ANKRD18B: variants seen among roughly 807,000 people sequenced by gnomAD.
ANKRD18B encodes ankyrin repeat domain-containing protein 18B.
ANKRD18B carries 75 observed loss-of-function variants against 111.8 expected under a neutral mutation model. That is an observed-to-expected ratio of 0.67 (90% CI 0.56 to 0.81). The LOEUF is 0.81. Among genes scored for constraint, ANKRD18B ranks in the 40% least tolerant of loss-of-function variants. The pLI is 0.00. For synonymous variants in ANKRD18B, 356 were observed against 417.3 expected, an observed-to-expected ratio of 0.85 and a Z score of 1.79; for missense variants, 1,038 against 1,225.5, an observed-to-expected ratio of 0.85 and a Z score of 2.28.
downstream of ANKRD18B, among the ~76,000 whole-genome samples, chr9:33,574,807 G>A (rs936855060): frequency 3.3e-5 from 5 of 152,222 alleles, no homozygotes; most frequent in South Asian, 2.1e-4. Flanking sequence ...TCAGGGGATA[G>A]AGGACACTGA....
At chr9:33,568,594 G>T (rs7046617) in intron 16 of ANKRD18B, 77 bp from the exon 17 acceptor site, 204,649 of 1,351,084 alleles carry the variant, frequency 0.15, 15,871 homozygotes, top group South Asian at 0.2. Flanking sequence ...CAGGGCAACT[G>T]TTTAAAAAAT....
chr9:33,531,327 C>T (rs186475533), intron 3 of ANKRD18B, among the ~76,000 whole-genome samples: 2,057 of 152,160 alleles, frequency 0.014, 20 homozygotes, highest in Non-Finnish European at 0.023. Context: ...AGAAAAAGTT[C>T]CACATGCAAA....
intron 12 of ANKRD18B, among the ~76,000 whole-genome samples, chr9:33,554,696 G>C (rs2118086702): frequency 6.6e-6 from 1 of 152,252 alleles, no homozygotes; most frequent in Middle Eastern, 3.4e-3. Flanking sequence ...GGACCAGAGA[G>C]AGACCTTGGG....
At chr9:33,524,814 T>G in intron 1 of ANKRD18B, 119 bp downstream of exon 1, 1 of 1,212,452 alleles carries the variant, frequency 8.2e-7, no homozygotes, top group Non-Finnish European at 1.1e-6. Flanking sequence ...AAATGGAGCC[T>G]CAGCTGCTTT....
At chr9:33,566,525 T>G (rs1828687764) in intron 15 of ANKRD18B, 25 bp downstream of exon 15, 1 of 1,596,078 alleles carries the variant, frequency 6.3e-7, no homozygotes, top group Non-Finnish European at 8.5e-7. Flanking sequence ...TCAGGTAAGT[T>G]TATCTGTAAT....
chr9:33,535,573 C>T (rs1041772095), intron 5 of ANKRD18B, among the ~76,000 whole-genome samples: 7 of 151,064 alleles, frequency 4.6e-5, no homozygotes, highest in African/African-American at 1.5e-4. Flanking sequence ...AGGCATGAGC[C>T]ACCACACCCG....
At chr9:33,553,427 A>G (rs1042205629) in intron 12 of ANKRD18B, among the ~76,000 whole-genome samples, 23 of 152,204 alleles carry the variant, frequency 1.5e-4, no homozygotes, top group African/African-American at 5.5e-4. Context: ...GCATAGGATT[A>G]TTAGCCACTT....
intron 1 of ANKRD18B, among the ~76,000 whole-genome samples, chr9:33,526,926 T>C (rs1237503518): frequency 6.6e-6 from 1 of 152,206 alleles, no homozygotes; most frequent in Non-Finnish European, 1.5e-5. Context: ...CCAACTGTAT[T>C]CTATCAATCC....
chr9:33,535,360 A>T (rs1231749548), intron 5 of ANKRD18B, among the ~76,000 whole-genome samples: 1 of 151,872 alleles, frequency 6.6e-6, no homozygotes, highest in Non-Finnish European at 1.5e-5. Context: ...ATCTCGGCTC[A>T]CTGCAAGCTC....
chr9:33,547,961 G>A lies in ANKRD18B; in HGVS notation c.1173G>A (p.Lys391=). Residue 391 remains lysine (K), a synonymous_variant, in exon 11 of 19, where the codon AAG becomes AAA. Transcript: ENST00000684830. ...QPQDSQSYGK[K]KDEMFGNFML... ...AGGATTCTCAAAGTTATGGAAAAAA[G>A]AAGGATGAGATGTTTGGAAATTTTA... 7.0e-7 allele frequency: 1 copy of A among 1,432,710 alleles called. No individual in the cohort carries two copies. The highest frequency in any genetic ancestry group is 2.6e-5 in the East Asian group (1 of 38,866). The allele number at this position is 1,432,710 out of a possible 1,614,324, so 88.7% of individuals were successfully genotyped here.
chr9:33,553,288 A>T (rs1393905583), intron 12 of ANKRD18B, among the ~76,000 whole-genome samples: 1 of 151,782 alleles, frequency 6.6e-6, no homozygotes, highest in Non-Finnish European at 1.5e-5. Context: ...GGGTCGCTTG[A>T]GCTCAGAATA....
intron 17 of ANKRD18B, 22 bp from the exon 18 acceptor site, chr9:33,571,223 AT>A (rs3033567): frequency 0.69 from 553,954 of 803,460 alleles, 186,953 homozygotes; most frequent in Admixed American, 0.72. Flanking sequence ...CATTATTATT[AT>A]TTTTTTTTTT....
chr9:33,541,422 G>C (rs1297051857), intron 9 of ANKRD18B, among the ~76,000 whole-genome samples, 195 bp downstream of exon 9: 1 of 152,188 alleles, frequency 6.6e-6, no homozygotes, highest in East Asian at 1.9e-4. Context: ...TATTGGTGTT[G>C]CTGGGAACGG....
intron 16 of ANKRD18B, among the ~76,000 whole-genome samples, chr9:33,567,987 G>A (rs1365363914): frequency 6.6e-6 from 1 of 152,180 alleles, no homozygotes; most frequent in Non-Finnish European, 1.5e-5. Flanking sequence ...CAGTGCCTTG[G>A]TCACAGTGTT....
Position 33,548,524 on chromosome 9 carries a change from A to G in ANKRD18B, c.1736A>G (p.Gln579Arg), listed in dbSNP as rs981265470. The change falls in exon 11 of 19, where the codon CAG (glutamine) becomes CGG (arginine). Residue 579 changes from glutamine to arginine, a missense_variant. Around this residue, in one of 4 missense-constraint regions of ANKRD18B, gnomAD observed 524 missense variants for 677.9 expected, o/e 0.77. Transcript: ENST00000684830. ...AAGACATTGGCTTTAGAAAGTGTAC[A>G]GCTGGACCTAAAGCAAGCGCAGCAT... is the stretch of plus-strand genomic sequence containing the variant. Reference protein sequence around the residue: ...REKTLALESVQLDLKQAQHRI... With the variant: ...REKTLALESVRLDLKQAQHRI... The G allele has an allele frequency of 6.4e-7, 1 of 1,551,054 alleles. No individual in the cohort carries two copies. Among genetic ancestry groups the G allele is most frequent in the Non-Finnish European group, 8.7e-7 (1 of 1,146,646 alleles).
At chr9:33,545,526 T>C (rs3954924) in intron 10 of ANKRD18B, among the ~76,000 whole-genome samples, 1 of 152,214 alleles carries the variant, frequency 6.6e-6, no homozygotes, top group African/African-American at 2.4e-5. Flanking sequence ...CCACAAGCCA[T>C]ATGGAACTTA....
At chr9:33,540,995 C>T (rs1248561413) in intron 8 of ANKRD18B, among the ~76,000 whole-genome samples, 152 bp from the exon 9 acceptor site, 1 of 151,968 alleles carries the variant, frequency 6.6e-6, no homozygotes, top group African/African-American at 2.4e-5. Context: ...TCATTAGATG[C>T]CATTCACTTT....
At chr9:33,573,093 C>T (rs1478989286), downstream of ANKRD18B, 7 of 1,086,408 alleles carry the variant, frequency 6.4e-6, no homozygotes, top group Non-Finnish European at 8.3e-6. Flanking sequence ...TGATTTGTCC[C>T]CATTACTCTG....
intron 17 of ANKRD18B, 92 bp downstream of exon 17, chr9:33,568,985 T>A: frequency 8.5e-7 from 1 of 1,173,208 alleles, no homozygotes; most frequent in Non-Finnish European, 1.2e-6. Flanking sequence ...TTCTGTTGAC[T>A]TATGCATGTT....
Sources: gnomAD v4.1 joint callset for allele counts (sites outside exome capture counted in the v4.1 genomes callset) on GRCh38, gnomAD v4.1.1 for gene constraint, gnomAD v4.1.1 regional missense constraint, MANE v1.5 for transcripts, NCBI Gene and HGNC (gene_info 2026-07-23, HGNC 2026-07-21) for gene names.